NRCAM: variants seen among roughly 807,000 people sequenced by gnomAD.
The protein encoded by NRCAM is NgCAM-related cell adhesion molecule.
A neutral mutation model predicts 156.5 loss-of-function variants in NRCAM; 83 were observed. The ratio of observed to expected loss-of-function variants is 0.53; its 90% CI spans 0.44 to 0.64. The LOEUF (loss-of-function observed/expected upper bound fraction) is 0.64, where lower values mean the gene tolerates loss of function less well. NRCAM is among the 30% of genes least tolerant of loss of function. The pLI is 0.00. For missense variants in NRCAM, 1,417 were observed against 1,597.3 expected (o/e 0.89, Z 1.92); for synonymous variants, 538 against 563.9 (o/e 0.95, Z 0.65).
At chr7:108,172,142 T>A (rs1450600163) in intron 28 of NRCAM, among the ~76,000 whole-genome samples, 1 of 152,190 alleles carries the variant, frequency 6.6e-6, no homozygotes, top group African/African-American at 2.4e-5. Flanking sequence ...AGCGCCAGAT[T>A]ACATGCAATG....
At chr7:108,153,902 T>C (rs1212052552) in intron 32 of NRCAM, among the ~76,000 whole-genome samples, 6 of 152,112 alleles carry the variant, frequency 3.9e-5, no homozygotes, top group African/African-American at 1.4e-4. Context: ...AAATAAAACT[T>C]TCAGAGTTAT....
Position 108,150,038 on chromosome 7 carries a change from T to A in NRCAM, c.3787A>T (p.Asn1263Tyr), listed in dbSNP as rs560756006. 6.2e-7 allele frequency: 1 copy of A among 1,614,112 alleles called. No individual in the cohort carries two copies. The highest frequency in any genetic ancestry group is 2.2e-5 in the East Asian group (1 of 44,884). ...DSLVDYGEGVNGQFNEDGSFI... is the reference protein window; with the variant it reads ...DSLVDYGEGVYGQFNEDGSFI... ...GAGCCATCCTCATTGAACTGGCCAT[T>A]AACCCCTTCTCCATAGTCAACTAGG... The change falls in exon 33 of 33, where the codon AAT becomes TAT. Residue 1263 changes from asparagine (N) to tyrosine (Y), a missense_variant. This residue lies in a region of NRCAM where 179 missense variants were observed against 260.9 expected (regional missense o/e 0.69). Coordinates refer to ENST00000379028, the MANE Select transcript of NRCAM (RefSeq NM_001037132.4).
chr7:108,325,319 A>G (rs899744807), intron 2 of NRCAM, among the ~76,000 whole-genome samples: 6 of 152,138 alleles, frequency 3.9e-5, no homozygotes, highest in African/African-American at 1.4e-4. Flanking sequence ...CTTTCATTCT[A>G]TCTATGAAGT....
intron 3 of NRCAM, among the ~76,000 whole-genome samples, chr7:108,284,976 T>C (rs1169267510): frequency 6.6e-6 from 1 of 152,230 alleles, no homozygotes; most frequent in Non-Finnish European, 1.5e-5. Context: ...ACTCCTTGAA[T>C]GACTGAAGCA....
intron 3 of NRCAM, among the ~76,000 whole-genome samples, chr7:108,294,193 G>GGT (rs2098401932): frequency 2.3e-5 from 2 of 87,932 alleles, no homozygotes; most frequent in Non-Finnish European, 4.2e-5. Flanking sequence ...TTCTTTACTG[G>GGT]TTTTTTTTTT....
At chr7:108,430,688 A>G (rs1334380175) in intron 1 of NRCAM, among the ~76,000 whole-genome samples, 1 of 152,164 alleles carries the variant, frequency 6.6e-6, no homozygotes, top group African/African-American at 2.4e-5. Context: ...GTACACACAC[A>G]CACCTCTTTG....
chr7:108,197,603 G>A (rs930852867), intron 14 of NRCAM, among the ~76,000 whole-genome samples: 2 of 152,164 alleles, frequency 1.3e-5, no homozygotes, highest in Non-Finnish European at 2.9e-5. Context: ...CAGAATCATT[G>A]TTATTCAACT....
intron 20 of NRCAM, among the ~76,000 whole-genome samples, chr7:108,185,797 G>T (rs928735644): frequency 6.6e-6 from 1 of 150,672 alleles, no homozygotes; most frequent in Admixed American, 6.6e-5. Context: ...TTTCTAAAGT[G>T]TATTATTAAG....
intron 2 of NRCAM, among the ~76,000 whole-genome samples, chr7:108,395,843 T>C (rs111722860): frequency 0.011 from 1,630 of 152,306 alleles, 30 homozygotes; most frequent in African/African-American, 0.035. Flanking sequence ...CATGGTAAGA[T>C]AGTTCAGAAG....
At chr7:108,443,710 T>C (rs1841179764) in intron 1 of NRCAM, among the ~76,000 whole-genome samples, 1 of 152,154 alleles carries the variant, frequency 6.6e-6, no homozygotes, top group South Asian at 2.1e-4. Context: ...CTGATTATAA[T>C]CGAAAAAGGT....
intron 2 of NRCAM, among the ~76,000 whole-genome samples, chr7:108,398,334 T>C (rs1596421472): frequency 6.6e-6 from 1 of 152,258 alleles, no homozygotes; most frequent in Admixed American, 6.5e-5. Flanking sequence ...CTCTTTCAAA[T>C]TCCCCTTTCT....
At chr7:108,414,004 T>G (rs1178019099) in intron 1 of NRCAM, among the ~76,000 whole-genome samples, 1 of 152,210 alleles carries the variant, frequency 6.6e-6, no homozygotes, top group Non-Finnish European at 1.5e-5. Context: ...GCTGCTATTA[T>G]AGAGACTCTG....
At chr7:108,355,867 T>G (rs2099490883) in intron 2 of NRCAM, among the ~76,000 whole-genome samples, 1 of 152,224 alleles carries the variant, frequency 6.6e-6, no homozygotes, top group African/African-American at 2.4e-5. Context: ...CTCACCTCGC[T>G]TCATCACATC....
In NRCAM at chr7:108,346,329, C is replaced by T. The variant is rs150005602; in HGVS notation, c.-173-33598G>A. On this transcript the variant is annotated intron_variant, in intron 2 of 32. Coordinates refer to ENST00000379028, the MANE Select transcript of NRCAM (RefSeq NM_001037132.4). ...TAAAATTATTTGAGTCTCCTGATTTCCAGGGCTCTTTTTCCTCCCAACACA... is the reference window on the plus strand; with the variant it reads ...TAAAATTATTTGAGTCTCCTGATTTTCAGGGCTCTTTTTCCTCCCAACACA... 1.3e-3 allele frequency among the ~76,000 whole-genome samples: 203 copies of T among 152,298 alleles called. 1 individual carries two copies. The highest frequency in any genetic ancestry group is 4.6e-3 in the African/African-American group (190 of 41,556).
chr7:108,445,682 C>T (rs1048286936), intron 1 of NRCAM, among the ~76,000 whole-genome samples: 1 of 152,102 alleles, frequency 6.6e-6, no homozygotes, highest in Non-Finnish European at 1.5e-5. Flanking sequence ...AGTAACTTTT[C>T]CAAAGCCATG....
At chr7:108,422,746 A>T (rs1181094191) in intron 1 of NRCAM, among the ~76,000 whole-genome samples, 1 of 152,212 alleles carries the variant, frequency 6.6e-6, no homozygotes, top group African/African-American at 2.4e-5. Context: ...TTCACTGAAC[A>T]TGTAACAATA....
intron 1 of NRCAM, among the ~76,000 whole-genome samples, chr7:108,424,967 A>G (rs1267255533): frequency 6.6e-6 from 1 of 152,206 alleles, no homozygotes; most frequent in Admixed American, 6.5e-5. Context: ...TATTTTCTCA[A>G]TTCTCTCAAG....
rs138293330 is a variant in NRCAM at position 108,229,725 on chromosome 7, A to G, written c.550+1306T>C. 9.4e-4 allele frequency among the ~76,000 whole-genome samples: 143 copies of G among 152,246 alleles called. 1 individual carries two copies. Among genetic ancestry groups the G allele is most frequent in the African/African-American group, 3.2e-3 (133 of 41,542 alleles). On this transcript the variant is annotated intron_variant, in intron 8 of 32. Coordinates refer to ENST00000379028, the MANE Select transcript of NRCAM (RefSeq NM_001037132.4). Reference sequence around the variant, plus strand: ...CTCTGACTCTTGCTGGTGTCTTGCCATGAAATATCTTACAGGCCTCTCACA... The same window carrying G: ...CTCTGACTCTTGCTGGTGTCTTGCCGTGAAATATCTTACAGGCCTCTCACA...
At chr7:108,351,168 C>G (rs1403592957) in intron 2 of NRCAM, among the ~76,000 whole-genome samples, 1 of 152,072 alleles carries the variant, frequency 6.6e-6, no homozygotes, top group Non-Finnish European at 1.5e-5. Context: ...GAGTGGGATT[C>G]TGATAAAGGG....
Sources: gnomAD v4.1 joint callset for allele counts (sites outside exome capture counted in the v4.1 genomes callset) on GRCh38, gnomAD v4.1.1 for gene constraint, gnomAD v4.1.1 regional missense constraint, MANE v1.5 for transcripts, NCBI Gene and HGNC (gene_info 2026-07-23, HGNC 2026-07-21) for gene names.